Variants in PGM5 observed in about 807,000 individuals in gnomAD.
The protein encoded by PGM5 is phosphoglucomutase 5, also known as phosphoglucomutase-like protein 5.
A neutral mutation model predicts 59.2 loss-of-function variants in PGM5; 23 were observed. That is an observed-to-expected ratio of 0.39 (90% CI 0.28 to 0.55). PGM5 has a LOEUF of 0.55. Ranked by LOEUF, PGM5 falls within the 20% of genes least tolerant of loss-of-function variation. The probability of loss-of-function intolerance (pLI) is 0.66; values close to 1 mark genes in which losing one functional copy is unlikely to be tolerated. For missense variants in PGM5, 574 were observed against 748.3 expected, an observed-to-expected ratio of 0.77 and a Z score of 2.72; for synonymous variants, 214 against 286.0, an observed-to-expected ratio of 0.75 and a Z score of 2.54.
chr9:68,413,040 T>C (rs1222418889), intron 6 of PGM5, among the ~76,000 whole-genome samples: 6 of 152,350 alleles, frequency 3.9e-5, no homozygotes, highest in African/African-American at 1.4e-4. Flanking sequence ...GTGAGTTCCA[T>C]TTATCAAGGC....
intron 10 of PGM5, among the ~76,000 whole-genome samples, chr9:68,512,150 T>C (rs564607801): frequency 6.6e-6 from 1 of 152,198 alleles, no homozygotes; most frequent in Non-Finnish European, 1.5e-5. Flanking sequence ...CTGTTGGTTG[T>C]TCCAAGCTCT....
rs371121410 is a variant in PGM5, at chr9:68,480,037, G to A, written c.1295+484G>A. ...GGTGGTGTCAAAGGCTACCAAGCTG[G>A]AAGGCACCAATTTCCTTTCCCCTGA... On this transcript the variant is annotated intron_variant, in intron 8 of 10. Coordinates refer to ENST00000396396, the MANE Select transcript of PGM5 (RefSeq NM_021965.4). 3.9e-5 allele frequency among the ~76,000 whole-genome samples: 6 copies of A among 152,172 alleles called. No homozygotes were observed. The South Asian group carries it at 1.2e-3, about 32-fold the overall frequency.
intron 10 of PGM5, among the ~76,000 whole-genome samples, chr9:68,516,978 T>C (rs1406490317): frequency 6.6e-6 from 1 of 151,940 alleles, no homozygotes; most frequent in East Asian, 1.9e-4. Context: ...TTCAAACAAT[T>C]CTCCTGCCTC....
intron 6 of PGM5, among the ~76,000 whole-genome samples, chr9:68,459,745 C>T: frequency 6.6e-6 from 1 of 151,470 alleles, no homozygotes; most frequent in South Asian, 2.1e-4. Context: ...TCCCTGATCT[C>T]TAGTGATGTT....
At chr9:68,406,616 C>T (rs1283779639) in intron 6 of PGM5, 19 of 134,860 alleles carry the variant, frequency 1.4e-4, no homozygotes, top group African/African-American at 5.4e-4. Flanking sequence ...AGGGGATAAA[C>T]ATTCAAACCA....
chr9:68,376,823 TTCTTTCTTTCTC>T (rs1286632912), intron 1 of PGM5, among the ~76,000 whole-genome samples: 5 of 108,870 alleles, frequency 4.6e-5, no homozygotes, highest in African/African-American at 1.9e-4. Context: ...CTTTCTTTCT[TTCTTTCTTTCTC>T]TTTCTTTCTT....
intron 9 of PGM5, among the ~76,000 whole-genome samples, chr9:68,492,249 A>G (rs1329346120): frequency 6.6e-6 from 1 of 152,186 alleles, no homozygotes; most frequent in Non-Finnish European, 1.5e-5. Flanking sequence ...GTGAACAGGG[A>G]TCAGCAGTCA....
At chr9:68,393,317 A>C (rs1554679695) in intron 6 of PGM5, among the ~76,000 whole-genome samples, 3 of 150,492 alleles carry the variant, frequency 2.0e-5, no homozygotes. Flanking sequence ...TATGCATATA[A>C]TTAAAATACA....
chr9:68,528,581 A>G (rs1030822391), intron 10 of PGM5, among the ~76,000 whole-genome samples: 1 of 152,174 alleles, frequency 6.6e-6, no homozygotes, highest in Non-Finnish European at 1.5e-5. Context: ...ACCTCAATCT[A>G]CTTATTTATT....
At chr9:68,488,104 T>A (rs1310904799) in intron 9 of PGM5, among the ~76,000 whole-genome samples, 1 of 152,186 alleles carries the variant, frequency 6.6e-6, no homozygotes, top group Non-Finnish European at 1.5e-5. Context: ...TGGGAAAGAC[T>A]GTAGCATTGA....
At chr9:68,514,093 G>A (rs265086) in intron 10 of PGM5, among the ~76,000 whole-genome samples, 12,132 of 152,198 alleles carry the variant, frequency 0.08, 1,617 homozygotes, top group African/African-American at 0.28. Context: ...GCAGAATCTC[G>A]GGCCCCAACC....
At chr9:68,458,238 A>T (rs972193777) in intron 6 of PGM5, among the ~76,000 whole-genome samples, 16 of 152,242 alleles carry the variant, frequency 1.1e-4, no homozygotes, top group Admixed American at 4.6e-4. Flanking sequence ...TTTCAATTAA[A>T]GTTAGGATTT....
Position 68,447,824 on chromosome 9 carries a change from C to A in PGM5, c.1044-17269C>A, listed in dbSNP as rs370358017. 3.3e-4 allele frequency among the ~76,000 whole-genome samples: 51 copies of A among 152,284 alleles called. 1 individual carries two copies. In the South Asian group the frequency reaches 7.9e-3, roughly 24 times the overall value. On this transcript the variant is annotated intron_variant, in intron 6 of 10. Coordinates refer to ENST00000396396, the MANE Select transcript of PGM5 (RefSeq NM_021965.4). ...GGTTCTGGAATTGGACAGGACAGGG[C>A]CTGACTCCCTGCCCGGCCACTTACC...
chr9:68,370,232 A>T (rs529473942), intron 1 of PGM5, among the ~76,000 whole-genome samples: 1 of 152,358 alleles, frequency 6.6e-6, no homozygotes, highest in Admixed American at 6.5e-5. Context: ...ATTATAACAC[A>T]GTGAGCAGAG....
intron 6 of PGM5, among the ~76,000 whole-genome samples, chr9:68,442,511 C>T (rs1823545751): frequency 6.6e-6 from 1 of 152,134 alleles, no homozygotes; most frequent in Non-Finnish European, 1.5e-5. Flanking sequence ...GATCTGTCCA[C>T]CCTGGCCTCC....
intron 8 of PGM5, 131 bp downstream of exon 8, chr9:68,479,684 C>T (rs1554686965): frequency 1.2e-6 from 1 of 816,616 alleles, no homozygotes; most frequent in East Asian, 2.9e-5. Flanking sequence ...CCTGTAATCC[C>T]AGCACTTTGG....
At position 68,380,328 on chromosome 9, in the gene PGM5, C is replaced by G. The variant is rs571642105; in HGVS notation, c.424+1967C>G. ...AATTTACAAATATGTGGAAATTAAA[C>G]AACATGCTTATGATGAACTAATGGG... On this transcript the variant is annotated intron_variant, in intron 2 of 10. Transcript: ENST00000396396. 7.8e-4 allele frequency among the ~76,000 whole-genome samples: 118 copies of G among 151,856 alleles called. 1 individual carries two copies. The highest frequency in any genetic ancestry group is 2.6e-3 in the African/African-American group (108 of 41,462).
At chr9:68,477,064 A>C (rs1824119477) in intron 7 of PGM5, among the ~76,000 whole-genome samples, 1 of 152,118 alleles carries the variant, frequency 6.6e-6, no homozygotes, top group Admixed American at 6.5e-5. Context: ...GTTTTTTGGC[A>C]GTTGGCCATG....
chr9:68,381,671 C>A (rs565147781), intron 2 of PGM5, among the ~76,000 whole-genome samples: 2 of 151,382 alleles, frequency 1.3e-5, no homozygotes, highest in East Asian at 3.9e-4. Context: ...AACACACACA[C>A]AAATTTTTAG....
Sources: allele counts gnomAD v4.1 joint callset (sites outside exome capture counted in the v4.1 genomes callset), GRCh38; gene constraint gnomAD v4.1.1; transcripts MANE v1.5; gene names NCBI Gene and HGNC (gene_info 2026-07-23, HGNC 2026-07-21).